The following EPB41L5 variants were observed in gnomAD, a reference collection of about 807,000 sequenced individuals.
EPB41L5 encodes the protein band 4.1-like protein 5.
A neutral mutation model predicts 106.6 loss-of-function variants in EPB41L5; 55 were observed. The observed-to-expected ratio is 0.52, with a 90% confidence interval of 0.42 to 0.65. The LOEUF is 0.65. Ranked by LOEUF, EPB41L5 falls within the 30% of genes least tolerant of loss-of-function variation. The pLI, the probability that EPB41L5 is intolerant of heterozygous loss-of-function variation, is 0.00. For missense variants in EPB41L5, 871 were observed against 882.1 expected (o/e 0.99, Z 0.16); for synonymous variants, 297 against 306.7 (o/e 0.97, Z 0.33).
At chr2:120,079,208 G>A (rs1316612811) in intron 10 of EPB41L5, among the ~76,000 whole-genome samples, 4 of 152,162 alleles carry the variant, frequency 2.6e-5, no homozygotes, top group Non-Finnish European at 4.4e-5. Context: ...GGGACTGTTA[G>A]CGCAAAGACC....
Position 120,081,859 on chromosome 2 carries a change from C to G in EPB41L5, c.803+3278C>G, listed in dbSNP as rs866824869. Among the ~76,000 whole-genome samples the G allele has an allele frequency of 1.6e-4, 25 of 152,150 alleles. No individual in the cohort carries two copies. In the Middle Eastern group the frequency reaches 0.024, roughly 145 times the overall value. ...AAGTTGGATTCCTAGGTATTTTATT[C>G]TCTTTGAAGCAATTGTGAATGGGAG... On this transcript the variant is annotated intron_variant, in intron 10 of 24. Transcript: ENST00000263713.
intron 3 of EPB41L5, among the ~76,000 whole-genome samples, chr2:120,061,761 A>G (rs1410583909): frequency 6.6e-6 from 1 of 152,144 alleles, no homozygotes; most frequent in Non-Finnish European, 1.5e-5. Flanking sequence ...GAAAAGGGAA[A>G]CGTAGATAGC....
intron 15 of EPB41L5, 148 bp from the exon 16 acceptor site, chr2:120,100,551 T>C: frequency 1.5e-6 from 1 of 672,892 alleles, no homozygotes; most frequent in Non-Finnish European, 2.6e-6. Context: ...ATTTCATTCA[T>C]TAACTATCTC....
chr2:120,153,980 C>T (rs1393730803), intron 20 of EPB41L5, among the ~76,000 whole-genome samples: 1 of 152,146 alleles, frequency 6.6e-6, no homozygotes, highest in Non-Finnish European at 1.5e-5. Flanking sequence ...CTTTAATCCA[C>T]TTACATCTAA....
chr2:120,048,589 TA>T (rs1306283687), intron 3 of EPB41L5, among the ~76,000 whole-genome samples: 10 of 151,420 alleles, frequency 6.6e-5, no homozygotes, highest in African/African-American at 1.2e-4. Context: ...GTTGATCTTT[TA>T]AAAAAAAACA....
At chr2:120,129,665 G>A (rs1181022186) in intron 17 of EPB41L5, among the ~76,000 whole-genome samples, 1 of 152,112 alleles carries the variant, frequency 6.6e-6, no homozygotes, top group Admixed American at 6.5e-5. Flanking sequence ...ATGGTAAAAT[G>A]AACTAGGAAT....
intron 15 of EPB41L5, among the ~76,000 whole-genome samples, chr2:120,100,491 A>G (rs1347849290): frequency 6.6e-6 from 1 of 152,198 alleles, no homozygotes; most frequent in Non-Finnish European, 1.5e-5. Flanking sequence ...GCTCTATAAA[A>G]CATTTTATGT....
chr2:120,036,616 AG>A (rs1679055432), intron 2 of EPB41L5, among the ~76,000 whole-genome samples: 1 of 152,194 alleles, frequency 6.6e-6, no homozygotes, highest in African/African-American at 2.4e-5. Context: ...GTAGAAGCAA[AG>A]GCAGATGGAA....
intron 3 of EPB41L5, among the ~76,000 whole-genome samples, chr2:120,051,450 G>T (rs1024910183): frequency 1.3e-5 from 2 of 152,202 alleles, no homozygotes; most frequent in Non-Finnish European, 2.9e-5. Flanking sequence ...GGGACCCTCC[G>T]AGCCAGGCAC....
intron 16 of EPB41L5, among the ~76,000 whole-genome samples, chr2:120,114,596 C>T (rs762978579): frequency 2.7e-4 from 41 of 152,010 alleles, no homozygotes; most frequent in Non-Finnish European, 4.4e-4. Context: ...CATTCTTTGC[C>T]CATTTAAAAA....
Position 120,063,942 on chromosome 2 carries a change from C to CA in EPB41L5, c.286-9225dup, listed in dbSNP as rs576465680. ...GGGTGACGAGAGTGAAACTCCATCTCAAAAAAAAAAAGAAAAAAGAAACAA... is the reference window on the plus strand; with the variant it reads ...GGGTGACGAGAGTGAAACTCCATCTCAAAAAAAAAAAAGAAAAAAGAAACAA... On this transcript the variant is annotated intron_variant, in intron 3 of 24. Transcript: ENST00000263713. Among the ~76,000 whole-genome samples, 332 of 130,802 alleles carry CA rather than the reference C, an allele frequency of 2.5e-3. 7 individuals carry two copies. The East Asian group carries it at 0.041, about 16-fold the overall frequency. The allele number at this position is 130,802 out of a possible 152,430, so 85.8% of individuals were successfully genotyped here.
intron 2 of EPB41L5, among the ~76,000 whole-genome samples, chr2:120,040,637 T>C (rs978027137): frequency 2.6e-5 from 4 of 152,220 alleles, no homozygotes; most frequent in African/African-American, 7.2e-5. Flanking sequence ...GTAAGGCATG[T>C]ACATTTTTGA....
intron 3 of EPB41L5, among the ~76,000 whole-genome samples, chr2:120,056,717 C>A (rs72952894): frequency 6.7e-6 from 1 of 148,240 alleles, no homozygotes; most frequent in Non-Finnish European, 1.5e-5. Context: ...GTCTTGTAGA[C>A]GAGGTGGGAA....
At chr2:120,044,906 A>G (rs1446453954) in intron 3 of EPB41L5, among the ~76,000 whole-genome samples, 1 of 152,190 alleles carries the variant, frequency 6.6e-6, no homozygotes, top group Admixed American at 6.5e-5. Flanking sequence ...AGCTGGAAGA[A>G]GAGTTAGTAG....
At chr2:120,085,444 GT>G (rs1444129752) in intron 10 of EPB41L5, among the ~76,000 whole-genome samples, 1 of 152,176 alleles carries the variant, frequency 6.6e-6, no homozygotes, top group Admixed American at 6.5e-5. Context: ...AACAGCAAAT[GT>G]TGCTGCCTGA....
At chr2:120,115,796 TGTTAC>T (rs952720690) in intron 16 of EPB41L5, among the ~76,000 whole-genome samples, 15 of 152,158 alleles carry the variant, frequency 9.9e-5, no homozygotes, top group Middle Eastern at 3.4e-3. Context: ...TGTTGTGTTA[TGTTAC>T]GTTACGTTAC....
chr2:120,143,765 A>G (rs997293698), intron 19 of EPB41L5, among the ~76,000 whole-genome samples: 2 of 152,158 alleles, frequency 1.3e-5, no homozygotes, highest in African/African-American at 4.8e-5. Flanking sequence ...AATATTGTTC[A>G]TGTTCTTTTT....
At chr2:120,107,915 G>C (rs1684542186) in intron 16 of EPB41L5, among the ~76,000 whole-genome samples, 1 of 152,110 alleles carries the variant, frequency 6.6e-6, no homozygotes, top group Admixed American at 6.5e-5. Context: ...CACTTTAGTT[G>C]CTTTGAGCAC....
chr2:120,018,894 C>G (rs941640496), intron 1 of EPB41L5, among the ~76,000 whole-genome samples, 183 bp from the exon 2 acceptor site: 1 of 152,164 alleles, frequency 6.6e-6, no homozygotes, highest in Non-Finnish European at 1.5e-5. Flanking sequence ...AGTCCTTCTG[C>G]CTAGGCCTCC....
Sources: gnomAD v4.1 joint callset for allele counts (sites outside exome capture counted in the v4.1 genomes callset) on GRCh38, gnomAD v4.1.1 for gene constraint, MANE v1.5 for transcripts, NCBI Gene and HGNC (gene_info 2026-07-23, HGNC 2026-07-21) for gene names.